FREM2: variants seen among roughly 807,000 people sequenced by gnomAD.
The protein encoded by FREM2 is FRAS1-related extracellular matrix protein 2.
In FREM2, 119 loss-of-function variants were observed where a neutral mutation model predicts 219.9. That is an observed-to-expected ratio of 0.54 (90% confidence interval 0.47 to 0.63). The LOEUF (loss-of-function observed/expected upper bound fraction) is 0.63, where lower values mean the gene tolerates loss of function less well. Ranked by LOEUF, FREM2 falls within the 30% of genes least tolerant of loss-of-function variation. The probability of loss-of-function intolerance (pLI) is 0.00; values close to 1 mark genes in which losing one functional copy is unlikely to be tolerated. For synonymous variants in FREM2, 1,562 were observed against 1,522.8 expected (o/e 1.03, Z -0.60); for missense variants, 4,030 against 3,993.6 (o/e 1.01, Z -0.25).
At chr13:38,870,822 C>T (rs1203681587) in intron 16 of FREM2, among the ~76,000 whole-genome samples, 1 of 152,078 alleles carries the variant, frequency 6.6e-6, no homozygotes, top group Non-Finnish European at 1.5e-5. Flanking sequence ...ATTAGTAATT[C>T]CCTCCAAAAT....
chr13:38,836,995 G>T (rs1433634591), intron 6 of FREM2, among the ~76,000 whole-genome samples: 2 of 152,034 alleles, frequency 1.3e-5, no homozygotes, highest in Non-Finnish European at 2.9e-5. Context: ...TTTTGAATTT[G>T]TTTTCTCTTG....
chr13:38,778,575 C>T (rs1873973597), intron 4 of FREM2, among the ~76,000 whole-genome samples: 1 of 152,026 alleles, frequency 6.6e-6, no homozygotes, highest in Non-Finnish European at 1.5e-5. Context: ...ACATTCAGCC[C>T]ATAACAAACC....
At chr13:38,706,782 T>C (rs9603412) in intron 2 of FREM2, among the ~76,000 whole-genome samples, 61,348 of 152,056 alleles carry the variant, frequency 0.4, 14,641 homozygotes, top group Non-Finnish European at 0.54. Context: ...ACTTCCTACC[T>C]GATAAGTATT....
chr13:38,846,667 C>T lies in FREM2; in HGVS notation c.6114C>T (p.Ser2038=), dbSNP rs375798669. 4.1e-5 allele frequency: 66 copies of T among 1,613,662 alleles called. No individual in the cohort carries two copies. The highest frequency in any genetic ancestry group is 5.5e-5 in the Non-Finnish European group (65 of 1,179,828). Residue 2038 remains serine, a synonymous_variant, in exon 7 of 24, where the codon TCC becomes TCT. Transcript: ENST00000280481. ...TGTGGAGAACGGGCACTGACCTGTCCAAGTCTTCTAGTGTCACAGTGAGGT... is the reference window on the plus strand; with the variant it reads ...TGTGGAGAACGGGCACTGACCTGTCTAAGTCTTCTAGTGTCACAGTGAGGT... ...VQVWRTGTDL[S]KSSSVTVRSR...
intron 9 of FREM2, 87 bp from the exon 10 acceptor site, chr13:38,850,857 C>A: frequency 6.7e-7 from 1 of 1,492,312 alleles, no homozygotes; most frequent in Non-Finnish European, 9.2e-7. Context: ...CAGGGAAAAT[C>A]AACAAACTTG....
At position 38,864,513 on chromosome 13, in the gene FREM2, G is replaced by C; in HGVS notation, c.7890G>C (p.Leu2630=). The change falls in exon 16 of 24, where the codon CTG becomes CTC. Residue 2630 remains leucine, a synonymous_variant. Transcript: ENST00000280481. ...CTACCTTGCGCTTCTACCGGAACCT[G>C]AACCTAGAGGCCTGTTTATGGGAGT... ...GSTTLRFYRN[L]NLEACLWEFV... 6.2e-7 allele frequency: 1 copy of C among 1,614,204 alleles called. No homozygotes were observed.
chr13:38,810,594 A>T (rs1875439407), intron 6 of FREM2, among the ~76,000 whole-genome samples: 1 of 152,018 alleles, frequency 6.6e-6, no homozygotes, highest in Non-Finnish European at 1.5e-5. Context: ...TTTATCCTTT[A>T]TTCTGTTTAT....
In FREM2 at chr13:38,854,686, T is replaced by A. The variant is rs558595043; in HGVS notation, c.6926-1440T>A. Reference sequence around the variant, plus strand: ...AGAAATCTGAGACTGATGGGCTCATTATGATATGTGAAGGCTGATAGGAAT... The same window carrying A: ...AGAAATCTGAGACTGATGGGCTCATAATGATATGTGAAGGCTGATAGGAAT... On this transcript the variant is annotated intron_variant, in intron 11 of 23. Transcript: ENST00000280481. Among the ~76,000 whole-genome samples, 19 of 152,278 alleles carry A rather than the reference T, an allele frequency of 1.2e-4. No individual in the cohort carries two copies. In the East Asian group the frequency reaches 3.1e-3, roughly 25 times the overall value.
At chr13:38,843,178 G>A (rs2137902588) in intron 6 of FREM2, among the ~76,000 whole-genome samples, 1 of 152,270 alleles carries the variant, frequency 6.6e-6, no homozygotes, top group East Asian at 1.9e-4. Flanking sequence ...TATGGTCTTA[G>A]TTGGGTGTAG....
rs545441312 is a variant in FREM2, at chr13:38,804,881, G to T, written c.6019+20073G>T. Among the ~76,000 whole-genome samples, 25 of 152,158 alleles carry T rather than the reference G, an allele frequency of 1.6e-4. No individual in the cohort carries two copies. The South Asian group carries it at 5.0e-3, about 30-fold the overall frequency. ...TTGGATTGGGAGTTAGGAGTCCTGGGCTGTAGACAAATTTTTGCAATTTTC... is the reference window on the plus strand; with the variant it reads ...TTGGATTGGGAGTTAGGAGTCCTGGTCTGTAGACAAATTTTTGCAATTTTC... On this transcript the variant is annotated intron_variant, in intron 6 of 23. Coordinates refer to ENST00000280481, the MANE Select transcript of FREM2 (RefSeq NM_207361.6).
intron 3 of FREM2, among the ~76,000 whole-genome samples, chr13:38,766,086 C>G (rs1370978224): frequency 6.6e-6 from 1 of 152,122 alleles, no homozygotes; most frequent in Non-Finnish European, 1.5e-5. Context: ...ATAGGTTTAT[C>G]TATTTTTTAC....
intron 6 of FREM2, among the ~76,000 whole-genome samples, chr13:38,840,625 A>AATATATATATATATATATATATATATAT (rs66795118): frequency 2.1e-4 from 28 of 135,122 alleles, no homozygotes; most frequent in African/African-American, 8.5e-4. Flanking sequence ...ATAAAACTAA[A>AATATATATATATATATATATATATATAT]ATATATATAT....
In FREM2 at chr13:38,789,561, A is replaced by G. The variant is rs1874475387; in HGVS notation, c.6019+4753A>G. Reference sequence around the variant, plus strand: ...GCTATGTTTGGTTCTGACTTTTCAAAAAAAAAGAATAGAAATTTTTGGAAA... The same window carrying G: ...GCTATGTTTGGTTCTGACTTTTCAAGAAAAAAGAATAGAAATTTTTGGAAA... On this transcript the variant is annotated intron_variant, in intron 6 of 23. Coordinates refer to ENST00000280481, the MANE Select transcript of FREM2 (RefSeq NM_207361.6). Among the ~76,000 whole-genome samples the G allele has an allele frequency of 2.6e-5, 4 of 150,984 alleles. No homozygotes were observed. In the South Asian group the frequency reaches 8.3e-4, roughly 31 times the overall value.
At chr13:38,840,891 A>G (rs1876937350) in intron 6 of FREM2, among the ~76,000 whole-genome samples, 1 of 152,140 alleles carries the variant, frequency 6.6e-6, no homozygotes, top group Non-Finnish European at 1.5e-5. Context: ...GCATCTTTGA[A>G]CACTTAGGTT....
intron 2 of FREM2, among the ~76,000 whole-genome samples, chr13:38,763,610 T>C (rs1566133312): frequency 6.6e-6 from 1 of 152,080 alleles, no homozygotes; most frequent in Non-Finnish European, 1.5e-5. Flanking sequence ...GATAACCATT[T>C]TTCCTTTCAT....
At chr13:38,701,892 A>G (rs962771031) in intron 2 of FREM2, among the ~76,000 whole-genome samples, 10 of 151,982 alleles carry the variant, frequency 6.6e-5, no homozygotes. Flanking sequence ...TAAGGAAGAA[A>G]CTCCTTCATA....
At chr13:38,731,708 A>T (rs1385713822) in intron 2 of FREM2, among the ~76,000 whole-genome samples, 1 of 152,202 alleles carries the variant, frequency 6.6e-6, no homozygotes, top group East Asian at 1.9e-4. Context: ...ACTGAGAAAT[A>T]ACTTGGAAAT....
intron 6 of FREM2, among the ~76,000 whole-genome samples, chr13:38,822,550 G>A (rs1046869806): frequency 1.3e-5 from 2 of 151,742 alleles, no homozygotes; most frequent in Non-Finnish European, 2.9e-5. Flanking sequence ...TAGCGTGCAC[G>A]GTCTGCATCT....
At chr13:38,798,238 G>T (rs1874868700) in intron 6 of FREM2, among the ~76,000 whole-genome samples, 1 of 151,910 alleles carries the variant, frequency 6.6e-6, no homozygotes, top group African/African-American at 2.4e-5. Context: ...TGATTATATG[G>T]TTTATATCTT....
Sources: allele counts gnomAD v4.1 joint callset (sites outside exome capture counted in the v4.1 genomes callset), GRCh38; gene constraint gnomAD v4.1.1; transcripts MANE v1.5; gene names NCBI Gene and HGNC (gene_info 2026-07-23, HGNC 2026-07-21).